The following CAPN2 variants were observed in gnomAD, a reference collection of about 807,000 sequenced individuals.
The protein encoded by CAPN2 is calpain 2.
CAPN2 carries 92 observed loss-of-function variants against 102.3 expected under a neutral mutation model. That is an observed-to-expected ratio of 0.90 (90% CI 0.76 to 1.07). CAPN2 has a LOEUF of 1.07. CAPN2 is among the 50% of genes least tolerant of loss of function. The pLI is 0.00. For synonymous variants in CAPN2, 340 were observed against 355.4 expected, an observed-to-expected ratio of 0.96 and a Z score of 0.49; for missense variants, 800 against 909.4, an observed-to-expected ratio of 0.88 and a Z score of 1.55.
intron 1 of CAPN2, among the ~76,000 whole-genome samples, chr1:223,713,248 G>A (rs1006694608): frequency 2.0e-5 from 3 of 152,198 alleles, no homozygotes; most frequent in African/African-American, 7.2e-5. Context: ...GGGGAATCGG[G>A]TCTGCAGGGA....
chr1:223,746,856 G>C, intron 4 of CAPN2, 141 bp from the exon 5 acceptor site: 1 of 608,988 alleles, frequency 1.6e-6, no homozygotes, highest in Admixed American at 2.9e-5. Context: ...TGAGCACCCC[G>C]AGCTGGGAAC....
intron 5 of CAPN2, among the ~76,000 whole-genome samples, chr1:223,748,512 G>T (rs1476463462): frequency 6.6e-6 from 1 of 152,214 alleles, no homozygotes; most frequent in Non-Finnish European, 1.5e-5. Context: ...ACTCAGACCG[G>T]AATAAACAAC....
chr1:223,763,582 A>G (rs1264982449), intron 14 of CAPN2, among the ~76,000 whole-genome samples: 1 of 152,238 alleles, frequency 6.6e-6, no homozygotes, highest in Admixed American at 6.5e-5. Context: ...TAGGTCTTGG[A>G]GACAGCTGGT....
chr1:223,701,653 C>G (rs1005606812), exon 1 of CAPN2: 1 of 151,356 alleles, frequency 6.6e-6, no homozygotes, highest in African/African-American at 2.4e-5. Flanking sequence ...CGCAAAGGAA[C>G]GAATTTCCAG....
intron 14 of CAPN2, among the ~76,000 whole-genome samples, chr1:223,762,746 T>A (rs1333558286): frequency 6.6e-6 from 1 of 152,094 alleles, no homozygotes; most frequent in Non-Finnish European, 1.5e-5. Context: ...AGTGGCATGA[T>A]CATAGCTCAC....
At chr1:223,740,429 C>T (rs1660585738) in intron 2 of CAPN2, among the ~76,000 whole-genome samples, 1 of 152,164 alleles carries the variant, frequency 6.6e-6, no homozygotes, top group Non-Finnish European at 1.5e-5. Flanking sequence ...ACTGCTGTGT[C>T]CAGTTTCCAT....
chr1:223,749,396 CCTTA>C, intron 6 of CAPN2: 1 of 555,146 alleles, frequency 1.8e-6, no homozygotes, highest in African/African-American at 1.9e-5. Context: ...ACAGTTACAA[CCTTA>C]CTATTTTGAT....
intron 16 of CAPN2, among the ~76,000 whole-genome samples, chr1:223,767,006 G>A (rs1309510786): frequency 1.3e-5 from 2 of 151,552 alleles, no homozygotes; most frequent in Non-Finnish European, 2.9e-5. Context: ...TCCATTCCTG[G>A]GGCTGGTGCG....
In CAPN2 at chr1:223,755,787, C is replaced by T; in HGVS notation, c.1305+138C>T. On this transcript the variant is annotated intron_variant, in intron 10 of 20. Coordinates refer to ENST00000295006, the MANE Select transcript of CAPN2 (RefSeq NM_001748.5). The surrounding 1 kb of genome is among the most constrained non-coding windows in gnomAD (Gnocchi z 4.1). ...GGCCAAGGAAAAACAAAACTACCAG[C>T]CTGGCCAGGCTCAGGAGTAGCCCCC... 1 of 860,174 alleles carries T rather than the reference C, an allele frequency of 1.2e-6. No homozygotes were observed. Among genetic ancestry groups the T allele is most frequent in the South Asian group, 1.9e-5 (1 of 53,374 alleles). 53.3% of individuals were successfully genotyped at this position (860,174 alleles called of 1,614,324 possible).
chr1:223,762,175 T>C lies in CAPN2; in HGVS notation c.1567-11T>C. 1 of 1,613,006 alleles carries C rather than the reference T, an allele frequency of 6.2e-7. No individual in the cohort carries two copies. The highest frequency in any genetic ancestry group is 8.5e-7 in the Non-Finnish European group (1 of 1,179,140). The stretch of plus-strand genomic sequence containing the variant: ...TCTGATGCATTCTCATGTCTCTGCC[T>C]CACCTTCCAGTTCGACATCAGCGAG... On this transcript the variant is annotated splice_polypyrimidine_tract_variant and intron_variant, in intron 13 of 20. Coordinates refer to ENST00000295006, the MANE Select transcript of CAPN2 (RefSeq NM_001748.5).
chr1:223,740,764 T>C (rs1291437911), intron 2 of CAPN2, among the ~76,000 whole-genome samples: 2 of 152,222 alleles, frequency 1.3e-5, no homozygotes, highest in Non-Finnish European at 2.9e-5. Flanking sequence ...CTAAGAGAAG[T>C]TACTATTTAT....
Position 223,750,925 on chromosome 1 carries a change from C to A in CAPN2, c.849C>A (p.Arg283=), listed in dbSNP as rs75929332. 5.2e-6 allele frequency: 8 copies of A among 1,552,686 alleles called. No individual in the cohort carries two copies. In the African/African-American group the frequency reaches 1.1e-4, roughly 21 times the overall value. ...ESNGSLQKLI[R]IRNPWGEVEW... is the part of the protein sequence containing the mutation. Reference sequence around the variant, plus strand: ...ACGGAAGCCTACAGAAACTGATCCGCATCCGAAATCCCTGGGGAGAAGTGG... The same window carrying A: ...ACGGAAGCCTACAGAAACTGATCCGAATCCGAAATCCCTGGGGAGAAGTGG... Residue 283 remains arginine (R), a synonymous_variant, in exon 7 of 21, where the codon CGC becomes CGA. Transcript: ENST00000295006.
intron 2 of CAPN2, 78 bp downstream of exon 2, chr1:223,717,909 G>C: frequency 9.2e-7 from 1 of 1,085,788 alleles, no homozygotes; most frequent in East Asian, 2.4e-5. Context: ...ACAACCTGTG[G>C]CTTCTCTCCC....
chr1:223,769,644 G>T (rs1204628171), intron 16 of CAPN2, among the ~76,000 whole-genome samples, 197 bp from the exon 17 acceptor site: 1 of 152,220 alleles, frequency 6.6e-6, no homozygotes, highest in Non-Finnish European at 1.5e-5. Context: ...TCGGCAGGGA[G>T]CCAGCAGGTC....
At chr1:223,742,685 A>G (rs1417406292) in intron 2 of CAPN2, among the ~76,000 whole-genome samples, 1 of 135,052 alleles carries the variant, frequency 7.4e-6, no homozygotes, top group African/African-American at 3.6e-5. Flanking sequence ...ACACCTGGCA[A>G]ATTTTTGTAT....
At chr1:223,717,671 G>A in intron 1 of CAPN2, 91 bp from the exon 2 acceptor site, 2 of 957,384 alleles carry the variant, frequency 2.1e-6, no homozygotes, top group Non-Finnish European at 3.4e-6. Flanking sequence ...AGGGGAGAAG[G>A]GGTTAGAAGA....
intron 6 of CAPN2, 118 bp downstream of exon 6, chr1:223,749,240 GC>G (rs1407077872): frequency 1.9e-5 from 16 of 838,002 alleles, no homozygotes; most frequent in Non-Finnish European, 3.1e-5. Flanking sequence ...TTACACTCGG[GC>G]CCCGCACTCC....
intron 1 of CAPN2, among the ~76,000 whole-genome samples, chr1:223,703,392 C>T (rs954843949): frequency 6.6e-6 from 1 of 152,066 alleles, no homozygotes; most frequent in African/African-American, 2.4e-5. Flanking sequence ...AGTCCTCTCA[C>T]CTCTGCCTCC....
intron 1 of CAPN2, among the ~76,000 whole-genome samples, chr1:223,703,182 T>C (rs762588997): frequency 6.6e-6 from 1 of 152,234 alleles, no homozygotes; most frequent in Non-Finnish European, 1.5e-5. Flanking sequence ...CCACTGACTG[T>C]ATAACCCTGG....
Sources: gnomAD v4.1 joint callset for allele counts (sites outside exome capture counted in the v4.1 genomes callset) on GRCh38, gnomAD v4.1.1 for gene constraint, Gnocchi (gnomAD v3.1) non-coding constraint, MANE v1.5 for transcripts, NCBI Gene and HGNC (gene_info 2026-07-23, HGNC 2026-07-21) for gene names.